Variants in ZC2HC1B observed in about 807,000 individuals in gnomAD.
ZC2HC1B encodes zinc finger C2HC domain-containing protein 1B.
A neutral mutation model predicts 31.0 loss-of-function variants in ZC2HC1B; 36 were observed. The observed-to-expected ratio is 1.16, with a 90% CI of 0.89 to 1.54. ZC2HC1B has a LOEUF of 1.54. Among genes scored for constraint, ZC2HC1B ranks in the 40% most tolerant of loss-of-function variants. The pLI is 0.00. For synonymous variants in ZC2HC1B, 73 were observed against 88.0 expected, an observed-to-expected ratio of 0.83 and a Z score of 0.95; for missense variants, 260 against 268.6, an observed-to-expected ratio of 0.97 and a Z score of 0.22.
At chr6:143,866,928 A>C (rs576094401) in intron 1 of ZC2HC1B, among the ~76,000 whole-genome samples, 1 of 152,212 alleles carries the variant, frequency 6.6e-6, no homozygotes, top group South Asian at 2.1e-4. Flanking sequence ...ATTCTTGCAT[A>C]GTATCCAGCT....
chr6:143,935,542 A>C (rs1400282143), intron 6 of ZC2HC1B, among the ~76,000 whole-genome samples: 1 of 150,900 alleles, frequency 6.6e-6, no homozygotes, highest in Admixed American at 6.6e-5. Context: ...ATACAATGCT[A>C]TATAAAAATA....
chr6:143,916,300 G>C (rs1458818073), intron 6 of ZC2HC1B, among the ~76,000 whole-genome samples: 1 of 152,226 alleles, frequency 6.6e-6, no homozygotes, highest in Non-Finnish European at 1.5e-5. Flanking sequence ...CCTCTGTCTA[G>C]ATTTCAGAAG....
At chr6:143,891,332 A>G (rs1235277304) in intron 4 of ZC2HC1B, among the ~76,000 whole-genome samples, 1 of 152,152 alleles carries the variant, frequency 6.6e-6, no homozygotes, top group Non-Finnish European at 1.5e-5. Flanking sequence ...TTATGATGTC[A>G]ATTCTACCCA....
intron 6 of ZC2HC1B, among the ~76,000 whole-genome samples, chr6:143,937,440 C>T (rs754067373): frequency 6.6e-6 from 1 of 152,062 alleles, no homozygotes; most frequent in Non-Finnish European, 1.5e-5. Context: ...GGAAAGAAGG[C>T]ACCTGAGGTA....
chr6:143,931,391 T>A (rs1778117297), intron 6 of ZC2HC1B, among the ~76,000 whole-genome samples: 1 of 152,178 alleles, frequency 6.6e-6, no homozygotes, highest in Non-Finnish European at 1.5e-5. Context: ...TTGTTGTTTG[T>A]TTTGCTTTTT....
intron 1 of ZC2HC1B, among the ~76,000 whole-genome samples, chr6:143,882,125 A>G (rs754854379): frequency 1.3e-5 from 2 of 151,830 alleles, no homozygotes; most frequent in Non-Finnish European, 2.9e-5. Context: ...TGTAAAATAG[A>G]AATAGTACTA....
intron 6 of ZC2HC1B, among the ~76,000 whole-genome samples, chr6:143,932,991 A>G (rs1011463616): frequency 1.8e-4 from 27 of 152,054 alleles, no homozygotes; most frequent in African/African-American, 6.3e-4. Context: ...CTGTGATGCA[A>G]TTTGTCTTCG....
rs371591170 is a variant in ZC2HC1B at position 143,865,577 on chromosome 6, C to T, written c.28+1010C>T. On this transcript the variant is annotated intron_variant, in intron 1 of 7. Coordinates refer to ENST00000237275, the MANE Select transcript of ZC2HC1B (RefSeq NM_001013623.3). The surrounding 1 kb of genome is among the most constrained non-coding windows in gnomAD (Gnocchi z 4.4). Reference sequence around the variant, plus strand: ...AGAGGACTGTTTTTCAGTCTCCTCTCGCAGGACAAACCCTGAAGGCACAGT... The same window carrying T: ...AGAGGACTGTTTTTCAGTCTCCTCTTGCAGGACAAACCCTGAAGGCACAGT... Among the ~76,000 whole-genome samples the T allele has an allele frequency of 2.3e-4, 35 of 152,292 alleles. No individual in the cohort carries two copies. The highest frequency in any genetic ancestry group is 4.4e-4 in the Non-Finnish European group (30 of 68,026).
At chr6:143,888,142 C>T (rs1392382214) in intron 4 of ZC2HC1B, among the ~76,000 whole-genome samples, 2 of 152,042 alleles carry the variant, frequency 1.3e-5, no homozygotes, top group African/African-American at 4.8e-5. Context: ...TATCTCAGCA[C>T]CATTTGTTAA....
In ZC2HC1B at chr6:143,924,001, A is replaced by T. The variant is rs1778009184; in HGVS notation, c.599-13648A>T. The stretch of plus-strand genomic sequence containing the variant: ...TATAAAGAATGTCATTGGTGTTTTG[A>T]TAGGGATTACATTGAATCTGTAGAT... On this transcript the variant is annotated intron_variant, in intron 6 of 7. Coordinates refer to ENST00000237275, the MANE Select transcript of ZC2HC1B (RefSeq NM_001013623.3). The surrounding 1 kb of genome is among the most constrained non-coding windows in gnomAD (Gnocchi z 5.2). Among the ~76,000 whole-genome samples, 1 of 151,854 alleles carries T rather than the reference A, an allele frequency of 6.6e-6. No individual in the cohort carries two copies. Among genetic ancestry groups the T allele is most frequent in the Non-Finnish European group, 1.5e-5 (1 of 67,946 alleles).
rs1472309985 is a variant in ZC2HC1B at position 143,924,093 on chromosome 6, C to T, written c.599-13556C>T. On this transcript the variant is annotated intron_variant, in intron 6 of 7. Transcript: ENST00000237275. This position sits in a 1 kb window ranked among gnomAD's most constrained non-coding sequence, Gnocchi z 5.2. ...TGAGTCATGAGCATGGGATATCTTT[C>T]CATTTGTTTGTGTCCTCTTAACATT... Among the ~76,000 whole-genome samples the T allele has an allele frequency of 2.0e-5, 3 of 151,950 alleles. No homozygotes were observed. In the East Asian group the frequency reaches 5.8e-4, roughly 29 times the overall value.
chr6:143,926,329 C>G (rs1385233054), intron 6 of ZC2HC1B, among the ~76,000 whole-genome samples: 1 of 152,162 alleles, frequency 6.6e-6, no homozygotes, highest in Non-Finnish European at 1.5e-5. Context: ...TTTCCATTCT[C>G]ATTTGTCTCA....
At chr6:143,932,840 C>T (rs1416086248) in intron 6 of ZC2HC1B, among the ~76,000 whole-genome samples, 2 of 152,140 alleles carry the variant, frequency 1.3e-5, no homozygotes, top group Non-Finnish European at 2.9e-5. Context: ...ATTCTTTTGT[C>T]CCACAGGGTG....
chr6:143,918,919 T>C lies in ZC2HC1B; in HGVS notation c.598+15767T>C, dbSNP rs533113953. ...ATTTGGTTTCTTTTCAGGATTTATC[T>C]TCGTGGATATTTCCATTTTGTTCAT... On this transcript the variant is annotated intron_variant, in intron 6 of 7. Coordinates refer to ENST00000237275, the MANE Select transcript of ZC2HC1B (RefSeq NM_001013623.3). The surrounding 1 kb of genome is among the most constrained non-coding windows in gnomAD (Gnocchi z 4.1). Among the ~76,000 whole-genome samples the C allele has an allele frequency of 6.6e-6, 1 of 152,198 alleles. No individual in the cohort carries two copies. Among genetic ancestry groups the C allele is most frequent in the Non-Finnish European group, 1.5e-5 (1 of 68,036 alleles).
chr6:143,929,841 T>G (rs1430948327), intron 6 of ZC2HC1B, among the ~76,000 whole-genome samples: 2 of 152,174 alleles, frequency 1.3e-5, no homozygotes, highest in African/African-American at 2.4e-5. Context: ...TTCCACAAAT[T>G]TATCCCCTTC....
At chr6:143,930,142 T>A (rs1778101355) in intron 6 of ZC2HC1B, among the ~76,000 whole-genome samples, 1 of 152,090 alleles carries the variant, frequency 6.6e-6, no homozygotes, top group South Asian at 2.1e-4. Flanking sequence ...GCTTTGGGTT[T>A]GGTTTGTTTC....
rs1198233490 is a variant in ZC2HC1B, at chr6:143,882,335, TATA to T, written c.29-1968_29-1966del. On this transcript the variant is annotated intron_variant, in intron 1 of 7. Coordinates refer to ENST00000237275, the MANE Select transcript of ZC2HC1B (RefSeq NM_001013623.3). The stretch of plus-strand genomic sequence containing the variant: ...ATATGTATACATATTTTATATTTTT[TATA>T]TATATATATATATATATATATATAT... 8.5e-4 allele frequency among the ~76,000 whole-genome samples: 41 copies of T among 48,208 alleles called. 1 individual carries two copies. The highest frequency in any genetic ancestry group is 2.4e-3 in the African/African-American group (33 of 14,000). The allele number at this position is 48,208 out of a possible 152,430, so 31.6% of individuals were successfully genotyped here. A position where few individuals can be genotyped will look rare whatever the true frequency, so the allele number is the denominator to read the frequency against.
At chr6:143,925,017 GA>G (rs745357898) in intron 6 of ZC2HC1B, among the ~76,000 whole-genome samples, 1 of 152,054 alleles carries the variant, frequency 6.6e-6, no homozygotes, top group Non-Finnish European at 1.5e-5. Flanking sequence ...GAGTAAGGAA[GA>G]ATTTCCTCCT....
chr6:143,882,667 A>C (rs1446024686), intron 1 of ZC2HC1B, among the ~76,000 whole-genome samples: 2 of 151,632 alleles, frequency 1.3e-5, no homozygotes, highest in Non-Finnish European at 2.9e-5. Flanking sequence ...TCATCTCTGC[A>C]CTTCTCTTTC....
Sources: gnomAD v4.1 joint callset for allele counts (sites outside exome capture counted in the v4.1 genomes callset) on GRCh38, gnomAD v4.1.1 for gene constraint, Gnocchi (gnomAD v3.1) non-coding constraint, MANE v1.5 for transcripts, NCBI Gene and HGNC (gene_info 2026-07-23, HGNC 2026-07-21) for gene names.